The following CADM2 variants were observed in gnomAD, a reference collection of about 807,000 sequenced individuals.
The protein encoded by CADM2 is immunoglobulin superfamily member 4D.
CADM2 carries 12 observed loss-of-function variants against 49.8 expected under a neutral mutation model. The ratio of observed to expected loss-of-function variants is 0.24; its 90% confidence interval spans 0.15 to 0.39. CADM2 has a LOEUF of 0.39. Among genes scored for constraint, CADM2 ranks in the 10% least tolerant of loss-of-function variants. The probability of loss-of-function intolerance (pLI) is 1.00; values close to 1 mark genes in which losing one functional copy is unlikely to be tolerated. For synonymous variants in CADM2, 214 were observed against 175.4 expected (o/e 1.22, Z -1.74); for missense variants, 378 against 492.3 (o/e 0.77, Z 2.20).
chr3:85,208,099 TA>T (rs2107761774), intron 1 of CADM2, among the ~76,000 whole-genome samples: 1 of 152,314 alleles, frequency 6.6e-6, no homozygotes, highest in South Asian at 2.1e-4. Context: ...ATGAAGGCAC[TA>T]AATGTTAGCA....
intron 8 of CADM2, among the ~76,000 whole-genome samples, chr3:86,050,610 A>G (rs1474268647): frequency 6.6e-6 from 1 of 152,124 alleles, no homozygotes; most frequent in Non-Finnish European, 1.5e-5. Context: ...AGGCTTTTCC[A>G]TACATCCTCT....
intron 1 of CADM2, among the ~76,000 whole-genome samples, chr3:85,549,524 A>G (rs1239781392): frequency 2.0e-5 from 3 of 152,194 alleles, no homozygotes; most frequent in East Asian, 1.9e-4. Flanking sequence ...GTAGATGAAC[A>G]TAAAGGAATA....
chr3:85,829,734 G>A (rs543371356), intron 3 of CADM2, among the ~76,000 whole-genome samples: 1 of 151,834 alleles, frequency 6.6e-6, no homozygotes, highest in African/African-American at 2.4e-5. Flanking sequence ...GAGTTCAAAC[G>A]TGAAATTTCA....
chr3:85,974,733 C>A (rs1726563308), intron 8 of CADM2, among the ~76,000 whole-genome samples: 1 of 151,612 alleles, frequency 6.6e-6, no homozygotes, highest in African/African-American at 2.4e-5. Flanking sequence ...TTATTGGCAA[C>A]CCAGCGTTCA....
intron 2 of CADM2, among the ~76,000 whole-genome samples, chr3:85,736,518 A>G (rs1347134656): frequency 6.6e-6 from 1 of 152,182 alleles, no homozygotes; most frequent in Non-Finnish European, 1.5e-5. Context: ...AGGGGACTAA[A>G]AGACAGCAAG....
chr3:85,722,459 G>A (rs1176393529), intron 1 of CADM2, among the ~76,000 whole-genome samples: 1 of 152,050 alleles, frequency 6.6e-6, no homozygotes, highest in Non-Finnish European at 1.5e-5. Flanking sequence ...CAGACACAAG[G>A]CCCAAATCAA....
chr3:85,702,324 T>G (rs977557017), intron 1 of CADM2, among the ~76,000 whole-genome samples: 1 of 152,104 alleles, frequency 6.6e-6, no homozygotes, highest in Non-Finnish European at 1.5e-5. Context: ...TTCCTTTTCC[T>G]CCCTCAAATT....
chr3:85,718,240 A>G (rs1227511229), intron 1 of CADM2, among the ~76,000 whole-genome samples: 3 of 152,190 alleles, frequency 2.0e-5, no homozygotes, highest in East Asian at 3.9e-4. Context: ...TCAACACTCT[A>G]TTATGTTCCA....
At chr3:85,879,833 T>C (rs1209372390) in intron 3 of CADM2, among the ~76,000 whole-genome samples, 1 of 152,152 alleles carries the variant, frequency 6.6e-6, no homozygotes, top group East Asian at 1.9e-4. Context: ...TTTACATGTA[T>C]TTATTTTTGT....
At chr3:85,621,737 G>A (rs1275546567) in intron 1 of CADM2, among the ~76,000 whole-genome samples, 2 of 152,074 alleles carry the variant, frequency 1.3e-5, no homozygotes, top group Non-Finnish European at 2.9e-5. Context: ...TGAACACACG[G>A]TTTTCAGATT....
At chr3:85,489,371 T>TA (rs1225619943) in intron 1 of CADM2, among the ~76,000 whole-genome samples, 2 of 152,176 alleles carry the variant, frequency 1.3e-5, no homozygotes, top group African/African-American at 4.8e-5. Flanking sequence ...TTTAGACTGA[T>TA]ATACTGATAA....
intron 1 of CADM2, among the ~76,000 whole-genome samples, chr3:85,162,270 T>G (rs1413716397): frequency 6.6e-6 from 1 of 152,144 alleles, no homozygotes; most frequent in African/African-American, 2.4e-5. Context: ...CAAAAAATGC[T>G]ACCACAGAAA....
intron 1 of CADM2, among the ~76,000 whole-genome samples, chr3:85,513,912 C>T (rs1344220187): frequency 1.3e-5 from 2 of 151,930 alleles, no homozygotes; most frequent in Non-Finnish European, 2.9e-5. Flanking sequence ...TGATATAAAC[C>T]CTTACCAGAA....
At chr3:85,616,698 A>C (rs910226927) in intron 1 of CADM2, among the ~76,000 whole-genome samples, 1 of 152,190 alleles carries the variant, frequency 6.6e-6, no homozygotes, top group African/African-American at 2.4e-5. Context: ...ATAATAAATT[A>C]TAGCAAGTTG....
rs1488339729 is a variant in CADM2 at position 85,231,200 on chromosome 3, CTGAGT to C, written c.61+271533_61+271537del. Among the ~76,000 whole-genome samples, 140 of 152,052 alleles carry C rather than the reference CTGAGT, an allele frequency of 9.2e-4. 2 individuals are homozygous for C. The highest frequency in any genetic ancestry group is 2.6e-3 in the Admixed American group (39 of 15,258). On this transcript the variant is annotated intron_variant, in intron 1 of 9. Transcript: ENST00000383699. ...GGCTCTATCTACAAATAGTCATATT[CTGAGT>C]GTTATTCAACCCATAACACTGAGAC...
chr3:85,767,144 A>G (rs551482840), intron 2 of CADM2, among the ~76,000 whole-genome samples: 94 of 152,306 alleles, frequency 6.2e-4, no homozygotes, highest in African/African-American at 2.3e-3. Context: ...AAAGTGAAAC[A>G]TTCCTAATTG....
At chr3:85,790,589 C>G (rs1347669842) in intron 2 of CADM2, among the ~76,000 whole-genome samples, 2 of 152,134 alleles carry the variant, frequency 1.3e-5, no homozygotes, top group Admixed American at 6.5e-5. Flanking sequence ...GAACTAGGGC[C>G]AAGCTTTGGG....
intron 1 of CADM2, among the ~76,000 whole-genome samples, chr3:85,158,584 G>A (rs951350185): frequency 3.9e-5 from 6 of 151,934 alleles, no homozygotes; most frequent in African/African-American, 9.7e-5. Context: ...GTAAACTATC[G>A]CCAAGAACGA....
At chr3:85,008,901 T>C (rs2033862942) in intron 1 of CADM2, among the ~76,000 whole-genome samples, 1 of 152,150 alleles carries the variant, frequency 6.6e-6, no homozygotes, top group Non-Finnish European at 1.5e-5. Context: ...CTAAATGAAA[T>C]CTTTAGTTTG....
Sources: gnomAD v4.1 joint callset for allele counts (sites outside exome capture counted in the v4.1 genomes callset) on GRCh38, gnomAD v4.1.1 for gene constraint, MANE v1.5 for transcripts, NCBI Gene and HGNC (gene_info 2026-07-23, HGNC 2026-07-21) for gene names.